The following DGAT2 variants were observed in gnomAD, a reference collection of about 807,000 sequenced individuals.
DGAT2 encodes diacylglycerol O-acyltransferase 2, also known as acyl-CoA retinol O-fatty-acyltransferase.
A neutral mutation model predicts 48.4 loss-of-function variants in DGAT2; 33 were observed. That is an observed-to-expected ratio of 0.68 (90% CI 0.52 to 0.91). The LOEUF is 0.91. DGAT2 is among the 40% of genes least tolerant of loss of function. The probability of loss-of-function intolerance (pLI) is 0.00; values close to 1 mark genes in which losing one functional copy is unlikely to be tolerated. For missense variants in DGAT2, 446 were observed against 493.7 expected, an observed-to-expected ratio of 0.90 and a Z score of 0.92; for synonymous variants, 191 against 194.1, an observed-to-expected ratio of 0.98 and a Z score of 0.13.
chr11:75,792,274 A>C (rs983728877), intron 4 of DGAT2: 2 of 152,222 alleles, frequency 1.3e-5, no homozygotes, highest in African/African-American at 4.8e-5. Context: ...GGCACATACA[A>C]CCTGGCCCTG....
chr11:75,793,570 C>A (rs781421107), intron 4 of DGAT2: 2 of 152,282 alleles, frequency 1.3e-5, no homozygotes. Context: ...AGCTTCCCCC[C>A]GTCATCCAAG....
At chr11:75,791,130 G>C (rs1249502989) in intron 4 of DGAT2, among the ~76,000 whole-genome samples, 1 of 152,244 alleles carries the variant, frequency 6.6e-6, no homozygotes, top group Non-Finnish European at 1.5e-5. Flanking sequence ...CCACACCCCA[G>C]CTCCAGCACA....
At chr11:75,769,585 G>T (rs781392988) in intron 1 of DGAT2, among the ~76,000 whole-genome samples, 1 of 152,108 alleles carries the variant, frequency 6.6e-6, no homozygotes, top group Non-Finnish European at 1.5e-5. Context: ...CAACTCTTGA[G>T]CCTGGCATGC....
intron 1 of DGAT2, among the ~76,000 whole-genome samples, chr11:75,772,967 G>A (rs558509438): frequency 3.3e-5 from 5 of 152,312 alleles, no homozygotes; most frequent in African/African-American, 1.2e-4. Flanking sequence ...TCCAGCGTGG[G>A]TAACAGAGCG....
chr11:75,796,686 TGAG>T, intron 5 of DGAT2, 154 bp downstream of exon 5: 1 of 730,402 alleles, frequency 1.4e-6, no homozygotes, highest in Non-Finnish European at 2.2e-6. Flanking sequence ...GGGTCAGGGC[TGAG>T]GAGGAGAGCT....
At position 75,797,909 on chromosome 11, in the gene DGAT2, G is replaced by T. The variant is rs564094943; in HGVS notation, c.810-318G>T. Among the ~76,000 whole-genome samples the T allele has an allele frequency of 2.6e-5, 4 of 152,322 alleles. No individual in the cohort carries two copies. The East Asian group carries it at 7.7e-4, about 29-fold the overall frequency. On this transcript the variant is annotated intron_variant, in intron 6 of 7. Transcript: ENST00000228027. ...AGGGCTGAGAGAGGCCTGGTTTGGT[G>T]GAGGGACCAAGAGAACTTCCTGGCA... is the stretch of plus-strand genomic sequence containing the variant.
At position 75,768,862 on chromosome 11, in the gene DGAT2, C is replaced by A; in HGVS notation, c.-130C>A. On this transcript the variant is annotated 5_prime_UTR_variant, in exon 1 of 8. Coordinates refer to ENST00000228027, the MANE Select transcript of DGAT2 (RefSeq NM_032564.5). ...CGGCCGCAGCTCCAGGTGTCCTAGC[C>A]GCCCAGCCTCGACGCCGTCCCGGGA... The A allele has an allele frequency of 1.7e-6, 2 of 1,211,864 alleles. No individual in the cohort carries two copies. The highest frequency in any genetic ancestry group is 2.1e-6 in the Non-Finnish European group (2 of 943,358). The allele number at this position is 1,211,864 out of a possible 1,614,324, so 75.1% of individuals were successfully genotyped here. A position where few individuals can be genotyped will look rare whatever the true frequency, so the allele number is the denominator to read the frequency against.
At chr11:75,790,534 C>A (rs1944976536) in intron 3 of DGAT2, 127 bp from the exon 4 acceptor site, 2 of 928,092 alleles carry the variant, frequency 2.2e-6, no homozygotes, top group Non-Finnish European at 3.6e-6. Flanking sequence ...GGAAAGGGGC[C>A]TGATGGGAAG....
chr11:75,788,080 C>G (rs1590871188), intron 2 of DGAT2, among the ~76,000 whole-genome samples: 1 of 152,288 alleles, frequency 6.6e-6, no homozygotes, highest in East Asian at 1.9e-4. Context: ...CCTTTTACCC[C>G]TCAAGAGAGT....
At position 75,785,397 on chromosome 11, in the gene DGAT2, G is replaced by A. The variant is rs117172990; in HGVS notation, c.250+651G>A. 3.1e-3 allele frequency among the ~76,000 whole-genome samples: 475 copies of A among 152,316 alleles called. 2 individuals carry two copies. The highest frequency in any genetic ancestry group is 4.8e-3 in the Admixed American group (74 of 15,302). ...CACTCCCAGCCCACACCCATCCTCA[G>A]CTGAGCACATTCCCCAGGTGCTTCC... On this transcript the variant is annotated intron_variant, in intron 2 of 7. Transcript: ENST00000228027.
intron 2 of DGAT2, among the ~76,000 whole-genome samples, chr11:75,787,108 A>C (rs2135770827): frequency 6.6e-6 from 1 of 152,274 alleles, no homozygotes; most frequent in East Asian, 1.9e-4. Context: ...TTATATGAAA[A>C]TACCTTTGTT....
chr11:75,779,549 C>T (rs1445917819), intron 1 of DGAT2, among the ~76,000 whole-genome samples: 3 of 152,250 alleles, frequency 2.0e-5, no homozygotes, highest in South Asian at 4.1e-4. Flanking sequence ...CCCACATAGG[C>T]GCAGGAGAAG....
At chr11:75,783,489 G>A (rs1375034127) in intron 1 of DGAT2, among the ~76,000 whole-genome samples, 2 of 152,182 alleles carry the variant, frequency 1.3e-5, no homozygotes, top group Non-Finnish European at 2.9e-5. Flanking sequence ...CTCCCAGCTT[G>A]TAGGCTCAGT....
At chr11:75,781,942 C>T (rs1944869010) in intron 1 of DGAT2, among the ~76,000 whole-genome samples, 1 of 152,156 alleles carries the variant, frequency 6.6e-6, no homozygotes, top group Admixed American at 6.5e-5. Flanking sequence ...ATTTTTAGGT[C>T]TTCTCAGTTG....
chr11:75,800,585 G>A lies in DGAT2; in HGVS notation c.*77G>A, dbSNP rs555027391. 2 of 1,475,244 alleles carry A rather than the reference G, an allele frequency of 1.4e-6. No homozygotes were observed. Among genetic ancestry groups the A allele is most frequent in the Admixed American group, 4.6e-5 (2 of 43,124 alleles). 91.4% of individuals were successfully genotyped at this position (1,475,244 alleles called of 1,614,324 possible). On this transcript the variant is annotated 3_prime_UTR_variant, in exon 8 of 8. Transcript: ENST00000228027. ...TGCTCTGTAAATTTGGAAGTGTCAT[G>A]GGTGTCTGTGGGTTATTTAAAAGAA...
chr11:75,796,629 T>C, intron 5 of DGAT2, 97 bp downstream of exon 5: 3 of 1,307,640 alleles, frequency 2.3e-6, no homozygotes, highest in Middle Eastern at 2.7e-4. Flanking sequence ...ACACCATTCC[T>C]TGGTGCTGGG....
chr11:75,778,897 C>G (rs1002510715), intron 1 of DGAT2, among the ~76,000 whole-genome samples: 3 of 151,944 alleles, frequency 2.0e-5, no homozygotes, highest in African/African-American at 7.3e-5. Context: ...GATTATCACC[C>G]TCATCCTATA....
At chr11:75,784,541 G>A in intron 1 of DGAT2, 77 bp from the exon 2 acceptor site, 1 of 1,575,130 alleles carries the variant, frequency 6.3e-7, no homozygotes, top group Non-Finnish European at 8.7e-7. Context: ...GGTACCTGTG[G>A]GAGGTGAGGT....
chr11:75,769,036 G>T lies in DGAT2; in HGVS notation c.45G>T (p.Glu15Asp). The T allele has an allele frequency of 6.3e-7, 1 of 1,576,906 alleles. No individual in the cohort carries two copies. The highest frequency in any genetic ancestry group is 8.6e-7 in the Non-Finnish European group (1 of 1,164,208). ...CCTACTCCGGGGTCCTGCGCGGCGA[G>T]CGTCAGGCCGAGGCTGACCGGAGCC... is the stretch of plus-strand genomic sequence containing the variant. ...IAAYSGVLRG[E>D]RQAEADRSQR... Residue 15 changes from glutamate (E) to aspartate (D), a missense_variant, in exon 1 of 8, where the codon GAG (glutamate) becomes GAT (aspartate). Glu to Asp is a conservative substitution (Grantham distance 45). Transcript: ENST00000228027.
Sources: gnomAD v4.1 joint callset for allele counts (sites outside exome capture counted in the v4.1 genomes callset) on GRCh38, gnomAD v4.1.1 for gene constraint, MANE v1.5 for transcripts, NCBI Gene and HGNC (gene_info 2026-07-23, HGNC 2026-07-21) for gene names.